NALF1: variants seen among roughly 807,000 people sequenced by gnomAD.
NALF1 encodes family with sequence similarity 155 member A.
In NALF1, 3 loss-of-function variants were observed where a neutral mutation model predicts 48.4. The observed-to-expected ratio is 0.06, with a 90% CI of 0.03 to 0.16. The LOEUF is 0.16. Ranked by LOEUF, NALF1 falls within the 10% of genes least tolerant of loss-of-function variation. NALF1 has a pLI of 1.00. For synonymous variants in NALF1, 262 were observed against 245.7 expected, an observed-to-expected ratio of 1.07 and a Z score of -0.62; for missense variants, 526 against 571.5, an observed-to-expected ratio of 0.92 and a Z score of 0.81.
chr13:107,826,135 G>A (rs1037228635), intron 1 of NALF1, among the ~76,000 whole-genome samples: 19 of 152,222 alleles, frequency 1.2e-4, no homozygotes, highest in African/African-American at 4.6e-4. Context: ...GTCTTTTAAA[G>A]GGAGCCACAT....
chr13:107,568,853 T>A (rs1195670005), intron 1 of NALF1, among the ~76,000 whole-genome samples: 2 of 152,232 alleles, frequency 1.3e-5, no homozygotes, highest in African/African-American at 2.4e-5. Flanking sequence ...TTGTCAGATA[T>A]GCAATTTGTA....
intron 1 of NALF1, among the ~76,000 whole-genome samples, chr13:107,235,649 A>T (rs1880326841): frequency 6.6e-6 from 1 of 152,240 alleles, no homozygotes; most frequent in South Asian, 2.1e-4. Flanking sequence ...GAATGCAGTC[A>T]TCCATTTTTA....
chr13:107,506,695 C>T (rs1000439252), intron 1 of NALF1, among the ~76,000 whole-genome samples: 3 of 152,094 alleles, frequency 2.0e-5, no homozygotes, highest in Non-Finnish European at 2.9e-5. Context: ...TTCATCCATA[C>T]TGTACCAGGT....
At chr13:107,660,964 G>A (rs1880721232) in intron 1 of NALF1, among the ~76,000 whole-genome samples, 1 of 152,096 alleles carries the variant, frequency 6.6e-6, no homozygotes, top group Non-Finnish European at 1.5e-5. Flanking sequence ...AAAAAAGTAA[G>A]GTTGCAAATA....
chr13:107,616,482 G>A (rs1392454970), intron 1 of NALF1, among the ~76,000 whole-genome samples: 1 of 152,138 alleles, frequency 6.6e-6, no homozygotes, highest in Non-Finnish European at 1.5e-5. Flanking sequence ...AACCATTTAT[G>A]TGTTATTTTT....
At chr13:107,808,024 G>A (rs1390372036) in intron 1 of NALF1, among the ~76,000 whole-genome samples, 1 of 152,100 alleles carries the variant, frequency 6.6e-6, no homozygotes, top group Non-Finnish European at 1.5e-5. Flanking sequence ...GGTAAAGGGA[G>A]GCAAGAATCT....
At chr13:107,182,971 A>G (rs1245506176) in intron 2 of NALF1, among the ~76,000 whole-genome samples, 4 of 152,220 alleles carry the variant, frequency 2.6e-5, no homozygotes, top group Non-Finnish European at 5.9e-5. Context: ...ATCCAAGGGC[A>G]GAGTTATTTT....
chr13:107,367,050 A>T (rs1430760171), intron 1 of NALF1, among the ~76,000 whole-genome samples: 5 of 152,226 alleles, frequency 3.3e-5, no homozygotes. Flanking sequence ...TATTGGGGAC[A>T]ACTAGTCCCT....
chr13:107,174,467 T>C (rs919063978), intron 2 of NALF1, among the ~76,000 whole-genome samples: 1 of 151,948 alleles, frequency 6.6e-6, no homozygotes, highest in African/African-American at 2.4e-5. Flanking sequence ...GTGATTCACC[T>C]GCCTCAGCCT....
intron 1 of NALF1, among the ~76,000 whole-genome samples, chr13:107,620,287 T>C (rs1879485941): frequency 1.3e-5 from 2 of 152,178 alleles, no homozygotes; most frequent in African/African-American, 4.8e-5. Flanking sequence ...CCCCTGGTAC[T>C]TAAAGCCATC....
chr13:107,195,782 C>G (rs1879376827), intron 2 of NALF1, among the ~76,000 whole-genome samples: 1 of 152,136 alleles, frequency 6.6e-6, no homozygotes. Context: ...GAATATACTT[C>G]TTAGTAGGAA....
intron 1 of NALF1, among the ~76,000 whole-genome samples, chr13:107,326,431 T>C (rs1882366116): frequency 2.0e-5 from 3 of 152,154 alleles, no homozygotes; most frequent in African/African-American, 4.8e-5. Flanking sequence ...CTTTCCTCCA[T>C]GCAAGACATT....
At chr13:107,707,221 C>G (rs1875416044) in intron 1 of NALF1, among the ~76,000 whole-genome samples, 1 of 152,158 alleles carries the variant, frequency 6.6e-6, no homozygotes, top group Non-Finnish European at 1.5e-5. Flanking sequence ...CGCGCCCGGC[C>G]AAGGGCATTC....
chr13:107,847,731 C>T (rs1360293143), intron 1 of NALF1, among the ~76,000 whole-genome samples: 1 of 152,136 alleles, frequency 6.6e-6, no homozygotes, highest in African/African-American at 2.4e-5. Flanking sequence ...CCTAGCAGAG[C>T]CTCAAATAAG....
Position 107,272,314 on chromosome 13 carries a change from A to G in NALF1, c.916-61559T>C, listed in dbSNP as rs1881194538. ...ACTGCAAGCTCCGCTTCCCGGGTTC[A>G]CGCCATTCTCCTGCCTCAGCCTCCC... On this transcript the variant is annotated intron_variant, in intron 1 of 2. Transcript: ENST00000375915. Among the ~76,000 whole-genome samples, 2 of 55,162 alleles carry G rather than the reference A, an allele frequency of 3.6e-5. 1 individual carries two copies. The highest frequency in any genetic ancestry group is 2.4e-3 in the South Asian group (2 of 822). The allele number at this position is 55,162 out of a possible 152,430, so 36.2% of individuals were successfully genotyped here. A position where few individuals can be genotyped will look rare whatever the true frequency, so the allele number is the denominator to read the frequency against.
At position 107,185,171 on chromosome 13, in the gene NALF1, C is replaced by T. The variant is rs1303239829; in HGVS notation, c.1088-14385G>A. 4.6e-5 allele frequency among the ~76,000 whole-genome samples: 7 copies of T among 152,082 alleles called. No individual in the cohort carries two copies. The East Asian group carries it at 1.2e-3, about 25-fold the overall frequency. On this transcript the variant is annotated intron_variant, in intron 2 of 2. Coordinates refer to ENST00000375915, the MANE Select transcript of NALF1 (RefSeq NM_001080396.3). Reference sequence around the variant, plus strand: ...TGAGAGGCCTCCAGAACAGATGCCCCGCATAGCCTCAGGGGAACCTATCCT... The same window carrying T: ...TGAGAGGCCTCCAGAACAGATGCCCTGCATAGCCTCAGGGGAACCTATCCT...
intron 1 of NALF1, among the ~76,000 whole-genome samples, chr13:107,346,816 G>A (rs1882781564): frequency 6.6e-6 from 1 of 152,158 alleles, no homozygotes; most frequent in African/African-American, 2.4e-5. Flanking sequence ...ACAGCCACAT[G>A]AGGACAATCT....
intron 1 of NALF1, among the ~76,000 whole-genome samples, chr13:107,683,212 C>T (rs1881347234): frequency 6.6e-6 from 1 of 152,266 alleles, no homozygotes; most frequent in African/African-American, 2.4e-5. Context: ...TGTGCCCCTG[C>T]ACTCCAGCCT....
chr13:107,512,358 C>A (rs7982525), intron 1 of NALF1, among the ~76,000 whole-genome samples: 6 of 152,178 alleles, frequency 3.9e-5, no homozygotes, highest in African/African-American at 1.4e-4. Flanking sequence ...CATGCCACTG[C>A]GCTCCAGCCT....
Sources: gnomAD v4.1 joint callset for allele counts (sites outside exome capture counted in the v4.1 genomes callset) on GRCh38, gnomAD v4.1.1 for gene constraint, MANE v1.5 for transcripts, NCBI Gene and HGNC (gene_info 2026-07-23, HGNC 2026-07-21) for gene names.